Variants in SASH1 observed in about 807,000 individuals in gnomAD.
SASH1 encodes the protein SAM and SH3 domain-containing protein 1.
A neutral mutation model predicts 125.2 loss-of-function variants in SASH1; 44 were observed. The observed-to-expected ratio is 0.35, with a 90% CI of 0.28 to 0.45. The LOEUF is 0.45. SASH1 is among the 20% of genes least tolerant of loss of function. The pLI is 1.00. For synonymous variants in SASH1, 639 were observed against 649.1 expected (o/e 0.98, Z 0.24); for missense variants, 1,426 against 1,614.5 (o/e 0.88, Z 2.00).
intron 1 of SASH1, among the ~76,000 whole-genome samples, chr6:148,323,527 G>A (rs1258714783): frequency 6.6e-6 from 1 of 152,130 alleles, no homozygotes; most frequent in Non-Finnish European, 1.5e-5. Flanking sequence ...CCAGGCTGAC[G>A]CTGGTCACTG....
At chr6:148,376,642 A>G (rs979163607) in intron 1 of SASH1, among the ~76,000 whole-genome samples, 7 of 151,990 alleles carry the variant, frequency 4.6e-5, no homozygotes, top group African/African-American at 1.7e-4. Context: ...CAAGAGCATC[A>G]CATTGAGCCC....
At chr6:148,298,741 G>A (rs1386999036) in intron 1 of SASH1, among the ~76,000 whole-genome samples, 4 of 88,968 alleles carry the variant, frequency 4.5e-5, no homozygotes, top group African/African-American at 9.7e-5. Context: ...GAGGGAGGGA[G>A]GGAAAGGAAG....
chr6:148,414,259 A>T (rs554094133), intron 2 of SASH1, among the ~76,000 whole-genome samples: 1 of 152,264 alleles, frequency 6.6e-6, no homozygotes, highest in African/African-American at 2.4e-5. Flanking sequence ...GCGTGTTCCC[A>T]TATGTATATT....
At chr6:148,332,614 A>G (rs1296653001) in intron 1 of SASH1, among the ~76,000 whole-genome samples, 1 of 152,178 alleles carries the variant, frequency 6.6e-6, no homozygotes, top group Non-Finnish European at 1.5e-5. Flanking sequence ...AAAAGGATAC[A>G]ACCAAATATC....
At chr6:148,493,514 C>G (rs1195858567) in intron 8 of SASH1, among the ~76,000 whole-genome samples, 1 of 152,160 alleles carries the variant, frequency 6.6e-6, no homozygotes, top group African/African-American at 2.4e-5. Flanking sequence ...CCCACTGGCT[C>G]GAATCAGGAA....
intron 1 of SASH1, among the ~76,000 whole-genome samples, chr6:148,302,103 C>T (rs12663642): frequency 0.21 from 31,346 of 149,758 alleles, 3,525 homozygotes; most frequent in East Asian, 0.28. Flanking sequence ...ATCATGAGAT[C>T]AGGAGATCGA....
chr6:148,245,419 C>T, the SASH1 span, among the ~76,000 whole-genome samples: 11 of 152,266 alleles, frequency 7.2e-5, no homozygotes, highest in South Asian at 2.1e-4. Flanking sequence ...TGAGGCTAGA[C>T]GGTTTCCCAC....
chr6:148,260,796 C>CTTTTTTTTTTTTTTTTTTT, the SASH1 span, among the ~76,000 whole-genome samples: 2 of 104,072 alleles, frequency 1.9e-5, no homozygotes, highest in African/African-American at 8.5e-5. Flanking sequence ...CCTATAAGGG[C>CTTTTTTTTTTTTTTTTTTT]TTTTTTTTTT....
At chr6:148,484,031 T>C (rs1044986403) in intron 7 of SASH1, among the ~76,000 whole-genome samples, 4 of 152,102 alleles carry the variant, frequency 2.6e-5, no homozygotes, top group African/African-American at 9.7e-5. Flanking sequence ...ATATTTCGGA[T>C]GTCCTGGAGA....
chr6:148,471,457 G>A lies in SASH1; in HGVS notation c.468G>A (p.Gln156=). The change falls in exon 6 of 20, where the codon CAG becomes CAA. Residue 156 remains glutamine, a synonymous_variant. Transcript: ENST00000367467. ...AGAAGAAAAATAAGTATTTCTGGCA[G>A]AACTTCCGAAAGAACCAGAAAGGAA... ...DWKKKNKYFW[Q]NFRKNQKGIM... is the part of the protein sequence containing the mutation. 6.8e-7 allele frequency: 1 copy of A among 1,473,558 alleles called. No homozygotes were observed. Among genetic ancestry groups the A allele is most frequent in the Non-Finnish European group, 9.2e-7 (1 of 1,089,114 alleles). The allele number at this position is 1,473,558 out of a possible 1,614,324, so 91.3% of individuals were successfully genotyped here.
intron 9 of SASH1, among the ~76,000 whole-genome samples, chr6:148,516,348 A>G (rs1017839399): frequency 2.0e-5 from 3 of 152,030 alleles, no homozygotes; most frequent in Admixed American, 6.5e-5. Flanking sequence ...CTGCCCTCCA[A>G]TTCCCTGCTA....
At chr6:148,253,533 G>A in the SASH1 span, among the ~76,000 whole-genome samples, 1 of 152,166 alleles carries the variant, frequency 6.6e-6, no homozygotes, top group Non-Finnish European at 1.5e-5. Flanking sequence ...CAGAAGAAAT[G>A]AAAGAATGTG....
chr6:148,317,469 G>A (rs1217978265), intron 1 of SASH1, among the ~76,000 whole-genome samples: 1 of 152,244 alleles, frequency 6.6e-6, no homozygotes, highest in Non-Finnish European at 1.5e-5. Flanking sequence ...TTGTTGCCAA[G>A]GCTGGAGTGC....
At chr6:148,467,535 G>A (rs1255115409) in intron 4 of SASH1, among the ~76,000 whole-genome samples, 3 of 152,156 alleles carry the variant, frequency 2.0e-5, no homozygotes, top group Non-Finnish European at 4.4e-5. Context: ...AGGTGTTGGG[G>A]TGGGAGGCAA....
Position 148,514,458 on chromosome 6 carries a change from TAAAAAAAAAAAAA to T in SASH1, c.862+18_862+30del, listed in dbSNP as rs10710533. Reference sequence around the variant, plus strand: ...AAATGAAAAAACCCAGCACTGAAGGTAAAAAAAAAAAAAAAAAAAAAAAAAAAAGGCAGACTCC... The same window carrying T: ...AAATGAAAAAACCCAGCACTGAAGGTAAAAAAAAAAAAAAAGGCAGACTCC... On this transcript the variant is annotated splice_donor_5th_base_variant and intron_variant, in intron 9 of 19. Coordinates refer to ENST00000367467, the MANE Select transcript of SASH1 (RefSeq NM_015278.5). 169 of 573,216 alleles carry T rather than the reference TAAAAAAAAAAAAA, an allele frequency of 2.9e-4. No individual in the cohort carries two copies. The highest frequency in any genetic ancestry group is 1.0e-3 in the East Asian group (9 of 8,782). The allele number at this position is 573,216 out of a possible 1,614,324, so 35.5% of individuals were successfully genotyped here.
At chr6:148,218,697 A>G in the SASH1 span, among the ~76,000 whole-genome samples, 3 of 152,198 alleles carry the variant, frequency 2.0e-5, no homozygotes, top group Admixed American at 2.0e-4. Context: ...TGCTAGCAGT[A>G]CTTTGGAAGA....
At chr6:148,357,190 A>G (rs1214572538) in intron 1 of SASH1, among the ~76,000 whole-genome samples, 1 of 152,158 alleles carries the variant, frequency 6.6e-6, no homozygotes, top group African/African-American at 2.4e-5. Flanking sequence ...GATTGGATTT[A>G]TGCCCTCAGA....
At chr6:148,409,811 G>C (rs1784542764) in intron 2 of SASH1, among the ~76,000 whole-genome samples, 2 of 152,060 alleles carry the variant, frequency 1.3e-5, no homozygotes, top group African/African-American at 4.8e-5. Context: ...GCACGTGTCT[G>C]TAATCCCAGC....
chr6:148,367,854 G>A (rs4131288), intron 1 of SASH1, among the ~76,000 whole-genome samples: 4,486 of 152,300 alleles, frequency 0.029, 215 homozygotes, highest in East Asian at 0.18. Flanking sequence ...GGGTGGCAGC[G>A]GCTGTGCCAG....
Sources: allele counts gnomAD v4.1 joint callset (sites outside exome capture counted in the v4.1 genomes callset), GRCh38; gene constraint gnomAD v4.1.1; transcripts MANE v1.5; gene names NCBI Gene and HGNC (gene_info 2026-07-23, HGNC 2026-07-21).